HARBI1: variants seen among roughly 807,000 people sequenced by gnomAD.
HARBI1 encodes the protein harbinger transposase derived 1.
A neutral mutation model predicts 25.3 loss-of-function variants in HARBI1; 15 were observed. The observed-to-expected ratio is 0.59, with a 90% CI of 0.40 to 0.91. The LOEUF (loss-of-function observed/expected upper bound fraction) is 0.91. Ranked by LOEUF, HARBI1 falls within the 40% of genes least tolerant of loss-of-function variation. The probability of loss-of-function intolerance (pLI) is 0.00; values close to 1 mark genes in which losing one functional copy is unlikely to be tolerated. For synonymous variants in HARBI1, 168 were observed against 160.5 expected (o/e 1.05, Z -0.35); for missense variants, 396 against 445.8 (o/e 0.89, Z 1.01).
chr11:46,614,660 CA>C (rs1456815704), intron 2 of HARBI1, among the ~76,000 whole-genome samples: 7 of 152,064 alleles, frequency 4.6e-5, no homozygotes, highest in Non-Finnish European at 1.0e-4. Context: ...AGGCTGGTCT[CA>C]AGGTCCAGGC....
chr11:46,613,097 A>C (rs1478910352), intron 2 of HARBI1, among the ~76,000 whole-genome samples: 1 of 148,378 alleles, frequency 6.7e-6, no homozygotes, highest in Non-Finnish European at 1.5e-5. Flanking sequence ...CTCCTGCCTC[A>C]GCTTCCCAAG....
chr11:46,605,587 C>CTTTTTTT (rs11333482), intron 2 of HARBI1, among the ~76,000 whole-genome samples: 1 of 90,214 alleles, frequency 1.1e-5, no homozygotes, highest in African/African-American at 3.7e-5. Flanking sequence ...CAGGTATAAC[C>CTTTTTTT]TTTTTTTTTT....
chr11:46,614,444 A>T (rs1053522165), intron 2 of HARBI1, among the ~76,000 whole-genome samples: 1 of 150,786 alleles, frequency 6.6e-6, no homozygotes, highest in African/African-American at 2.4e-5. Context: ...AATAATAATA[A>T]TTTTTTTTTA....
intron 1 of HARBI1, 54 bp from the exon 2 acceptor site, chr11:46,616,435 C>T: frequency 7.2e-7 from 1 of 1,396,466 alleles, no homozygotes; most frequent in Non-Finnish European, 9.2e-7. Flanking sequence ...TTTAAAGTGA[C>T]TCAAAGGCTG....
intron 2 of HARBI1, among the ~76,000 whole-genome samples, chr11:46,612,327 A>T (rs1290840376): frequency 6.6e-6 from 1 of 152,144 alleles, no homozygotes; most frequent in African/African-American, 2.4e-5. Flanking sequence ...TCCTTAACGT[A>T]GCTTTCATCT....
intron 2 of HARBI1, among the ~76,000 whole-genome samples, chr11:46,607,085 CA>C (rs1020573907): frequency 1.3e-5 from 2 of 151,904 alleles, no homozygotes; most frequent in Admixed American, 1.3e-4. Flanking sequence ...GTCAACACAG[CA>C]AAACCCCATC....
intron 2 of HARBI1, among the ~76,000 whole-genome samples, chr11:46,611,458 T>A (rs930338958): frequency 1.3e-5 from 2 of 152,014 alleles, no homozygotes; most frequent in African/African-American, 4.8e-5. Flanking sequence ...TGCCTGTAAT[T>A]CCAGCAATTT....
chr11:46,608,072 G>C lies in HARBI1; in HGVS notation c.671-4163C>G, dbSNP rs145722701. On this transcript the variant is annotated intron_variant, in intron 2 of 2. Transcript: ENST00000326737. ...CCAGCACTTTGGGAGGCCACAGTGG[G>C]TGGATCACCTGAGGTTGGGAGTTTG... Among the ~76,000 whole-genome samples the C allele has an allele frequency of 9.2e-5, 14 of 152,258 alleles. No individual in the cohort carries two copies. In the East Asian group the frequency reaches 2.5e-3, roughly 27 times the overall value.
intron 2 of HARBI1, among the ~76,000 whole-genome samples, chr11:46,610,598 T>G (rs1473136362): frequency 6.6e-6 from 1 of 151,986 alleles, no homozygotes; most frequent in African/African-American, 2.4e-5. Flanking sequence ...AGGCGGAGCT[T>G]GCAGTGAGCC....
At chr11:46,604,038 A>G in intron 2 of HARBI1, 129 bp from the exon 3 acceptor site, 1 of 1,412,386 alleles carries the variant, frequency 7.1e-7, no homozygotes, top group East Asian at 2.6e-5. Flanking sequence ...GCACACTAGA[A>G]AAACCAAGCG....
At chr11:46,611,195 G>A (rs1278349846) in intron 2 of HARBI1, among the ~76,000 whole-genome samples, 1 of 151,876 alleles carries the variant, frequency 6.6e-6, no homozygotes, top group African/African-American at 2.4e-5. Context: ...TTTTAGTAGA[G>A]ATGAGGTTTC....
At chr11:46,611,603 C>T (rs935177543) in intron 2 of HARBI1, among the ~76,000 whole-genome samples, 2 of 151,154 alleles carry the variant, frequency 1.3e-5, no homozygotes, top group African/African-American at 2.4e-5. Flanking sequence ...CCCAGCTACT[C>T]GGTAGGCTGA....
At chr11:46,615,454 G>A (rs2045342709) in intron 2 of HARBI1, 114 bp downstream of exon 2, 6 of 802,130 alleles carry the variant, frequency 7.5e-6, no homozygotes, top group Middle Eastern at 2.4e-4. Context: ...TTGACCTCAG[G>A]TGATCTACCG....
At position 46,603,277 on chromosome 11, in the gene HARBI1, T is replaced by C. The variant is rs143408296; in HGVS notation, c.*253A>G. Reference sequence around the variant, plus strand: ...GTTTGCAACCACTGAGCTTTCAAATTAGTGGTACTCAACCTAGAGTTCACT... The same window carrying C: ...GTTTGCAACCACTGAGCTTTCAAATCAGTGGTACTCAACCTAGAGTTCACT... On this transcript the variant is annotated 3_prime_UTR_variant, in exon 3 of 3. Coordinates refer to ENST00000326737, the MANE Select transcript of HARBI1 (RefSeq NM_173811.4). 3.9e-4 allele frequency: 133 copies of C among 340,458 alleles called. No individual in the cohort carries two copies. The highest frequency in any genetic ancestry group is 1.1e-4 in the Non-Finnish European group (21 of 187,632). The allele number at this position is 340,458 out of a possible 1,614,324, so 21.1% of individuals were successfully genotyped here. A position where few individuals can be genotyped will look rare whatever the true frequency, so the allele number is the denominator to read the frequency against.
chr11:46,613,235 T>C (rs2045253487), intron 2 of HARBI1, among the ~76,000 whole-genome samples: 1 of 151,972 alleles, frequency 6.6e-6, no homozygotes, highest in Admixed American at 6.6e-5. Flanking sequence ...ATCCACCGCC[T>C]TGGTCTCCTG....
intron 2 of HARBI1, among the ~76,000 whole-genome samples, chr11:46,612,937 G>T (rs2045238911): frequency 7.1e-6 from 1 of 141,374 alleles, no homozygotes; most frequent in African/African-American, 2.6e-5. Context: ...CTCCAAAAGT[G>T]CTGGGATTAT....
In HARBI1 at chr11:46,611,846, G is replaced by A. The variant is rs533412334; in HGVS notation, c.670+3722C>T. Among the ~76,000 whole-genome samples the A allele has an allele frequency of 2.0e-5, 3 of 152,266 alleles. No individual in the cohort carries two copies. The East Asian group carries it at 5.8e-4, about 29-fold the overall frequency. On this transcript the variant is annotated intron_variant, in intron 2 of 2. Transcript: ENST00000326737. ...AAAATCTACTTTCCCACACTTCTTG[G>A]TGTGAGTTGTATGAAAATAAAATTT...
intron 2 of HARBI1, among the ~76,000 whole-genome samples, chr11:46,605,046 C>T (rs768670645): frequency 6.6e-5 from 10 of 152,092 alleles, no homozygotes; most frequent in Non-Finnish European, 1.0e-4. Flanking sequence ...TGAGATGTCC[C>T]GCACAGAGGC....
At chr11:46,610,385 C>T (rs1026147238) in intron 2 of HARBI1, among the ~76,000 whole-genome samples, 9 of 150,108 alleles carry the variant, frequency 6.0e-5, no homozygotes, top group Admixed American at 2.0e-4. Context: ...AAAGGCCAGG[C>T]GCGGTGGGCT....
Sources: gnomAD v4.1 joint callset for allele counts (sites outside exome capture counted in the v4.1 genomes callset) on GRCh38, gnomAD v4.1.1 for gene constraint, MANE v1.5 for transcripts, NCBI Gene and HGNC (gene_info 2026-07-23, HGNC 2026-07-21) for gene names.